EFHD1: variants seen among roughly 807,000 people sequenced by gnomAD.
EFHD1 encodes the protein EF-hand domain family member D1, also known as EF-hand domain-containing protein D1.
A neutral mutation model predicts 17.2 loss-of-function variants in EFHD1; 10 were observed. The observed-to-expected ratio is 0.58, with a 90% CI of 0.36 to 0.99. The LOEUF (loss-of-function observed/expected upper bound fraction) is 0.99. Among genes scored for constraint, EFHD1 ranks in the 50% least tolerant of loss-of-function variants. The pLI is 0.01. For missense variants in EFHD1, 310 were observed against 327.5 expected (o/e 0.95, Z 0.41); for synonymous variants, 153 against 142.0 (o/e 1.08, Z -0.55).
chr2:232,672,422 C>G lies in EFHD1; in HGVS notation c.564C>G (p.Ala188=). 1 of 1,606,106 alleles carries G rather than the reference C, an allele frequency of 6.2e-7. No individual in the cohort carries two copies. Among genetic ancestry groups the G allele is most frequent in the Non-Finnish European group, 8.5e-7 (1 of 1,176,522 alleles). ...IDVALEGVKG[A]KNFFEAKVQA... is the part of the protein sequence containing the mutation. ...TGGCCCTGGAGGGTGTCAAAGGTGCCAAGAACTTCTTTGAAGCCAAGGTAG... is the reference window on the plus strand; with the variant it reads ...TGGCCCTGGAGGGTGTCAAAGGTGCGAAGAACTTCTTTGAAGCCAAGGTAG... Residue 188 remains alanine, a synonymous_variant, in exon 3 of 4, where the codon GCC becomes GCG. Transcript: ENST00000264059.
chr2:232,613,236 T>A (rs1481709564), intron 1 of EFHD1, among the ~76,000 whole-genome samples: 1 of 151,770 alleles, frequency 6.6e-6, no homozygotes, highest in Non-Finnish European at 1.5e-5. Flanking sequence ...CCAGCCTGAC[T>A]AATATGGTGA....
Position 232,643,236 on chromosome 2 carries a change from G to A in EFHD1, c.302+9230G>A, listed in dbSNP as rs180952893. The stretch of plus-strand genomic sequence containing the variant: ...AAACAATGAGGAAATCTTCCTCTAT[G>A]TGTGCCCCAAGCTGGCCTCTGGCAT... On this transcript the variant is annotated intron_variant, in intron 1 of 3. Coordinates refer to ENST00000264059, the MANE Select transcript of EFHD1 (RefSeq NM_025202.4). 1.9e-3 allele frequency among the ~76,000 whole-genome samples: 294 copies of A among 152,148 alleles called. 4 individuals carry two copies. Among genetic ancestry groups the A allele is most frequent in the Non-Finnish European group, 2.5e-4 (17 of 67,982 alleles).
intron 3 of EFHD1, among the ~76,000 whole-genome samples, chr2:232,677,340 T>G (rs558568644): frequency 6.6e-6 from 1 of 152,096 alleles, no homozygotes; most frequent in South Asian, 2.1e-4. Context: ...TTGCTGTTAA[T>G]ATTATCAGAG....
At position 232,669,187 on chromosome 2, in the gene EFHD1, T is replaced by C. The variant is rs183928904; in HGVS notation, c.451-3122T>C. 1.1e-4 allele frequency among the ~76,000 whole-genome samples: 16 copies of C among 152,282 alleles called. No individual in the cohort carries two copies. The East Asian group carries it at 3.1e-3, about 29-fold the overall frequency. On this transcript the variant is annotated intron_variant, in intron 2 of 3. Coordinates refer to ENST00000264059, the MANE Select transcript of EFHD1 (RefSeq NM_025202.4). ...CATCCCCTTGACCTCCAACCTATTCTTGGGGGGCCTGGCCTCCTCCAAGGG... is the reference window on the plus strand; with the variant it reads ...CATCCCCTTGACCTCCAACCTATTCCTGGGGGGCCTGGCCTCCTCCAAGGG...
chr2:232,617,846 G>C (rs1289774573), intron 1 of EFHD1, among the ~76,000 whole-genome samples: 1 of 150,848 alleles, frequency 6.6e-6, no homozygotes, highest in Non-Finnish European at 1.5e-5. Context: ...CTACTCCGGA[G>C]GCTGAGGCAG....
At chr2:232,659,305 C>G (rs76254484) in intron 1 of EFHD1, among the ~76,000 whole-genome samples, 2 of 151,296 alleles carry the variant, frequency 1.3e-5, no homozygotes, top group Non-Finnish European at 2.9e-5. Context: ...AAAAAAAAAA[C>G]ACAAGAAATA....
rs1244010818 is a variant in EFHD1 at position 232,627,059 on chromosome 2, TATATA to T, written c.14+20887_14+20891del. On this transcript the variant is annotated intron_variant, in intron 1 of 3. Transcript: ENST00000409613. ...CTCTATATATATATATATATATATA[TATATA>T]TTTTTTTTTTTTTTTAATTAGCCAG... 4.0e-3 allele frequency among the ~76,000 whole-genome samples: 479 copies of T among 118,890 alleles called. 5 individuals carry two copies. The highest frequency in any genetic ancestry group is 0.013 in the Middle Eastern group (3 of 236). 78.0% of individuals were successfully genotyped at this position (118,890 alleles called of 152,430 possible).
intron 1 of EFHD1, among the ~76,000 whole-genome samples, chr2:232,658,389 AGCCT>A (rs34770000): frequency 0.53 from 79,552 of 151,416 alleles, 22,571 homozygotes; most frequent in African/African-American, 0.7. Flanking sequence ...TCCCCATAAG[AGCCT>A]GCCTGCTAGA....
chr2:232,623,685 AAAAAAAAAAGAAG>A (rs1332244357), intron 1 of EFHD1, among the ~76,000 whole-genome samples: 1 of 123,298 alleles, frequency 8.1e-6, no homozygotes, highest in African/African-American at 3.2e-5. Flanking sequence ...AAAAAAAAAA[AAAAAAAAAAGAAG>A]AAGAAGAAGA....
chr2:232,622,516 T>G (rs1694035352), intron 1 of EFHD1, among the ~76,000 whole-genome samples: 1 of 151,830 alleles, frequency 6.6e-6, no homozygotes. Flanking sequence ...CTGGGACCAG[T>G]GGGTTTTATT....
chr2:232,626,391 CA>C (rs1381701770), intron 1 of EFHD1, among the ~76,000 whole-genome samples: 1 of 150,454 alleles, frequency 6.6e-6, no homozygotes, highest in South Asian at 2.1e-4. Flanking sequence ...ATAAAAAATA[CA>C]AAAAAATTAG....
chr2:232,675,660 C>T lies in EFHD1; in HGVS notation c.585+3217C>T, dbSNP rs1474548257. On this transcript the variant is annotated intron_variant, in intron 3 of 3. Transcript: ENST00000264059. ...CTTGACGTGATCGGGGTGGGCACTA[C>T]CAGGACACACTTGCCTGGGGACAGT... Among the ~76,000 whole-genome samples the T allele has an allele frequency of 2.6e-5, 4 of 152,126 alleles. No individual in the cohort carries two copies. The South Asian group carries it at 8.3e-4, about 32-fold the overall frequency.
At chr2:232,627,474 T>G (rs1694128126) in intron 1 of EFHD1, among the ~76,000 whole-genome samples, 1 of 152,122 alleles carries the variant, frequency 6.6e-6, no homozygotes, top group Non-Finnish European at 1.5e-5. Flanking sequence ...TGGTGTCATA[T>G]CAAAGAAGAA....
chr2:232,650,350 A>C (rs1323753009), intron 1 of EFHD1, among the ~76,000 whole-genome samples: 1 of 142,480 alleles, frequency 7.0e-6, no homozygotes, highest in Non-Finnish European at 1.5e-5. Flanking sequence ...GCTGGAGTGC[A>C]GTGGTGCAAT....
At chr2:232,677,451 G>A (rs1695200822) in intron 3 of EFHD1, among the ~76,000 whole-genome samples, 1 of 151,586 alleles carries the variant, frequency 6.6e-6, no homozygotes, top group Non-Finnish European at 1.5e-5. Flanking sequence ...CTGGTGCAGT[G>A]GCTCATGCCT....
chr2:232,609,054 C>CTTTT (rs1244427931), intron 1 of EFHD1, among the ~76,000 whole-genome samples: 10 of 82,264 alleles, frequency 1.2e-4, no homozygotes, highest in Non-Finnish European at 1.9e-4. Flanking sequence ...TGCATAAGTT[C>CTTTT]TTTTTTTTTT....
At chr2:232,629,948 TTTTG>T (rs146596863), upstream of EFHD1, among the ~76,000 whole-genome samples, 880 of 151,754 alleles carry the variant, frequency 5.8e-3, 22 homozygotes, top group East Asian at 0.074. Context: ...CAAGCATGTT[TTTTG>T]TTTGTTTGTT....
At chr2:232,656,832 A>C (rs542991879) in intron 1 of EFHD1, among the ~76,000 whole-genome samples, 2 of 152,332 alleles carry the variant, frequency 1.3e-5, no homozygotes, top group East Asian at 3.9e-4. Flanking sequence ...GCTGTCACCT[A>C]GGCTGGAGTG....
upstream of EFHD1, among the ~76,000 whole-genome samples, chr2:232,631,833 C>G (rs1424855321): frequency 1.3e-5 from 2 of 151,542 alleles, no homozygotes; most frequent in African/African-American, 2.4e-5. Context: ...GAAACCCTGT[C>G]TCTACTAAAA....
Sources: allele counts gnomAD v4.1 joint callset (sites outside exome capture counted in the v4.1 genomes callset), GRCh38; gene constraint gnomAD v4.1.1; transcripts MANE v1.5; gene names NCBI Gene and HGNC (gene_info 2026-07-23, HGNC 2026-07-21).